The following KCNQ1OT1 variants were observed in gnomAD, a reference collection of about 807,000 sequenced individuals.
KCNQ1OT1 encodes the protein KCNQ1 antisense RNA 2 (non-protein coding).
chr11:2,648,692 A>G (rs576650408), exon 1 of KCNQ1OT1: 40 of 398,548 alleles, frequency 1.0e-4, no homozygotes, highest in East Asian at 7.8e-4. Context: ...GTGTCCTAAC[A>G]TATGGTATAT....
chr11:2,645,261 G>T lies in KCNQ1OT1; in HGVS notation n.54734C>A. The T allele has an allele frequency of 2.5e-6, 1 of 398,748 alleles. No individual in the cohort carries two copies. Among genetic ancestry groups the T allele is most frequent in the Non-Finnish European group, 4.4e-6 (1 of 226,214 alleles). The allele number at this position is 398,748 out of a possible 1,614,324, so 24.7% of individuals were successfully genotyped here. On this transcript the variant is annotated non_coding_transcript_exon_variant, in exon 1 of 1. Coordinates refer to ENST00000597346, the Ensembl canonical transcript of KCNQ1OT1. The surrounding 1 kb of genome is among the most constrained non-coding windows in gnomAD (Gnocchi z 5.8). ...GTGAATGCCAGTTGTGGTGGTAATG[G>T]TCAGTTGGGTAGGGCAGTCCTCAAG...
Position 2,663,967 on chromosome 11 carries a change from C to T in KCNQ1OT1, n.36028G>A, listed in dbSNP as rs530212194. ...GATGACAGGGCCTGAGAGACCTGAACATCCATCCCCAAGCTCTCTGCCCAC... is the reference window on the plus strand; with the variant it reads ...GATGACAGGGCCTGAGAGACCTGAATATCCATCCCCAAGCTCTCTGCCCAC... On this transcript the variant is annotated non_coding_transcript_exon_variant, in exon 1 of 1. Coordinates refer to ENST00000597346, the Ensembl canonical transcript of KCNQ1OT1. The surrounding 1 kb of genome is among the most constrained non-coding windows in gnomAD (Gnocchi z 5.2). 2.3e-5 allele frequency: 9 copies of T among 398,622 alleles called. No individual in the cohort carries two copies. The highest frequency in any genetic ancestry group is 3.5e-5 in the Non-Finnish European group (8 of 226,142). The allele number at this position is 398,622 out of a possible 1,614,324, so 24.7% of individuals were successfully genotyped here. A position where few individuals can be genotyped will look rare whatever the true frequency, so the allele number is the denominator to read the frequency against.
chr11:2,637,795 C>G (rs7102138), exon 1 of KCNQ1OT1: 132,564 of 152,164 alleles, frequency 0.87, 57,796 homozygotes, highest in East Asian at 0.91. Flanking sequence ...GTTAAAGTCT[C>G]CCATTATTAT....
rs1206304806 is a variant in KCNQ1OT1 at position 2,698,654 on chromosome 11, C to CT, written n.1340dup. ...AGACCTCTAACCCCAATCCCAATCT[C>CT]TTAACTCAGAGCCCCCCATTCAGAA... On this transcript the variant is annotated non_coding_transcript_exon_variant, in exon 1 of 1. Transcript: ENST00000597346. This position sits in a 1 kb window ranked among gnomAD's most constrained non-coding sequence, Gnocchi z 5.1. 2.5e-6 allele frequency: 1 copy of CT among 398,612 alleles called. No homozygotes were observed. The highest frequency in any genetic ancestry group is 4.4e-5 in the Admixed American group (1 of 22,704). The allele number at this position is 398,612 out of a possible 1,614,324, so 24.7% of individuals were successfully genotyped here. A position where few individuals can be genotyped will look rare whatever the true frequency, so the allele number is the denominator to read the frequency against.
rs1325699648 is a variant in KCNQ1OT1, at chr11:2,695,347, C to T, written n.4648G>A. On this transcript the variant is annotated non_coding_transcript_exon_variant, in exon 1 of 1. Transcript: ENST00000597346. The surrounding 1 kb of genome is among the most constrained non-coding windows in gnomAD (Gnocchi z 5.2). The stretch of plus-strand genomic sequence containing the variant: ...ATATCATTGTGTGTGTGTGTGTGCA[C>T]TCACGAGCACTCCCTAGTACTGCGT... 4 of 397,136 alleles carry T rather than the reference C, an allele frequency of 1.0e-5. No homozygotes were observed. The allele number at this position is 397,136 out of a possible 1,614,324, so 24.6% of individuals were successfully genotyped here. A position where few individuals can be genotyped will look rare whatever the true frequency, so the allele number is the denominator to read the frequency against.
At position 2,659,887 on chromosome 11, in the gene KCNQ1OT1, A is replaced by T. The variant is rs1479385212; in HGVS notation, n.40108T>A. 5.0e-6 allele frequency: 2 copies of T among 398,184 alleles called. No individual in the cohort carries two copies. Among genetic ancestry groups the T allele is most frequent in the Non-Finnish European group, 8.9e-6 (2 of 225,954 alleles). 24.7% of individuals were successfully genotyped at this position (398,184 alleles called of 1,614,324 possible). On this transcript the variant is annotated non_coding_transcript_exon_variant, in exon 1 of 1. Coordinates refer to ENST00000597346, the Ensembl canonical transcript of KCNQ1OT1. The surrounding 1 kb of genome is among the most constrained non-coding windows in gnomAD (Gnocchi z 4.3). ...ATTTATAATCCATTTTTAAAATTGG[A>T]TTGTTCACTTTATTGTCAAGTTGTA...
At chr11:2,675,167 C>T (rs2073956) in exon 1 of KCNQ1OT1, 5,588 of 398,580 alleles carry the variant, frequency 0.014, 188 homozygotes, top group East Asian at 0.094. Context: ...AGTGCTCTAG[C>T]GGGGAAAGAT....
rs1850006798 is a variant in KCNQ1OT1 at position 2,663,496 on chromosome 11, G to A, written n.36499C>T. On this transcript the variant is annotated non_coding_transcript_exon_variant, in exon 1 of 1. Transcript: ENST00000597346. The surrounding 1 kb of genome is among the most constrained non-coding windows in gnomAD (Gnocchi z 5.2). ...GGCTCATGTTGTGTGCAATACAGGTGGCAGTGCCTGTATTGCCTCTTGGCT... is the reference window on the plus strand; with the variant it reads ...GGCTCATGTTGTGTGCAATACAGGTAGCAGTGCCTGTATTGCCTCTTGGCT... The A allele has an allele frequency of 5.0e-6, 2 of 398,680 alleles. No individual in the cohort carries two copies. Among genetic ancestry groups the A allele is most frequent in the Admixed American group, 8.8e-5 (2 of 22,744 alleles). The allele number at this position is 398,680 out of a possible 1,614,324, so 24.7% of individuals were successfully genotyped here.
chr11:2,679,981 C>T lies in KCNQ1OT1; in HGVS notation n.20014G>A, dbSNP rs566009756. ...CAGTCTCGGCTTACTGCAACCTCTACCTCCTGGGTTCAAGCAATTCTCCTG... is the reference window on the plus strand; with the variant it reads ...CAGTCTCGGCTTACTGCAACCTCTATCTCCTGGGTTCAAGCAATTCTCCTG... On this transcript the variant is annotated non_coding_transcript_exon_variant, in exon 1 of 1. Coordinates refer to ENST00000597346, the Ensembl canonical transcript of KCNQ1OT1. The surrounding 1 kb of genome is among the most constrained non-coding windows in gnomAD (Gnocchi z 4.8). 1.8e-4 allele frequency: 70 copies of T among 397,074 alleles called. No individual in the cohort carries two copies. The highest frequency in any genetic ancestry group is 1.1e-3 in the African/African-American group (53 of 48,602). 24.6% of individuals were successfully genotyped at this position (397,074 alleles called of 1,614,324 possible).
rs1211128781 is a variant in KCNQ1OT1, at chr11:2,669,689, T to C, written n.30306A>G. On this transcript the variant is annotated non_coding_transcript_exon_variant, in exon 1 of 1. Transcript: ENST00000597346. The surrounding 1 kb of genome is among the most constrained non-coding windows in gnomAD (Gnocchi z 5.6). ...GTATTAGTGTAAGGCCTTGAGGAGA[T>C]GGTGTTAGGCATCCAGCCACATACC... The C allele has an allele frequency of 1.5e-5, 6 of 398,472 alleles. No homozygotes were observed. The highest frequency in any genetic ancestry group is 2.7e-5 in the Non-Finnish European group (6 of 226,078). The allele number at this position is 398,472 out of a possible 1,614,324, so 24.7% of individuals were successfully genotyped here.
exon 1 of KCNQ1OT1, chr11:2,656,470 G>A (rs1439546727): frequency 2.5e-6 from 1 of 398,614 alleles, no homozygotes; most frequent in African/African-American, 2.1e-5. Flanking sequence ...CCTGCTGGAA[G>A]TCTGCCACTC....
At chr11:2,636,273 G>A (rs1407606196) in exon 1 of KCNQ1OT1, 1 of 152,130 alleles carries the variant, frequency 6.6e-6, no homozygotes, top group Non-Finnish European at 1.5e-5. Flanking sequence ...AGTTTTCAAA[G>A]GGAATGCTTC....
chr11:2,610,695 G>C (rs1681352521), exon 1 of KCNQ1OT1: 1 of 381,884 alleles, frequency 2.6e-6, no homozygotes, highest in Non-Finnish European at 4.5e-6. Flanking sequence ...AAACTTTTCT[G>C]GACACAGTAT....
chr11:2,686,922 C>T, exon 1 of KCNQ1OT1: 1 of 398,692 alleles, frequency 2.5e-6, no homozygotes, highest in East Asian at 3.6e-5. Flanking sequence ...CAGGTCCATG[C>T]AGGTCTCCGT....
In KCNQ1OT1 at chr11:2,621,561, C is replaced by T; in HGVS notation, n.78434G>A. On this transcript the variant is annotated non_coding_transcript_exon_variant, in exon 1 of 1. Coordinates refer to ENST00000597346, the Ensembl canonical transcript of KCNQ1OT1. The surrounding 1 kb of genome is among the most constrained non-coding windows in gnomAD (Gnocchi z 5.7). Reference sequence around the variant, plus strand: ...AAGCTCTTTAGTTTACCACTGTGATCTCTTTGCTATTGGTCTGTTCAGGCT... The same window carrying T: ...AAGCTCTTTAGTTTACCACTGTGATTTCTTTGCTATTGGTCTGTTCAGGCT... The T allele has an allele frequency of 2.5e-6, 1 of 398,412 alleles. No individual in the cohort carries two copies. The highest frequency in any genetic ancestry group is 4.4e-6 in the Non-Finnish European group (1 of 225,998). The allele number at this position is 398,412 out of a possible 1,614,324, so 24.7% of individuals were successfully genotyped here.
Position 2,660,724 on chromosome 11 carries a change from A to G in KCNQ1OT1, n.39271T>C, listed in dbSNP as rs61150075. 517 of 398,646 alleles carry G rather than the reference A, an allele frequency of 1.3e-3. 5 individuals are homozygous for G. The highest frequency in any genetic ancestry group is 9.6e-3 in the African/African-American group (466 of 48,770). 24.7% of individuals were successfully genotyped at this position (398,646 alleles called of 1,614,324 possible). On this transcript the variant is annotated non_coding_transcript_exon_variant, in exon 1 of 1. Transcript: ENST00000597346. ...ACAACCTTCATTCGGGCTTCATTCA[A>G]CACTTCATTCAGGCATGGATGTGGG...
exon 1 of KCNQ1OT1, chr11:2,641,905 A>C (rs1383765548): frequency 2.5e-6 from 1 of 398,248 alleles, no homozygotes; most frequent in Non-Finnish European, 4.4e-6. Context: ...TTCCCAGTGT[A>C]TGTTCTTGGC....
At position 2,628,125 on chromosome 11, in the gene KCNQ1OT1, C is replaced by T. The variant is rs1003294883; in HGVS notation, n.71870G>A. On this transcript the variant is annotated non_coding_transcript_exon_variant, in exon 1 of 1. Coordinates refer to ENST00000597346, the Ensembl canonical transcript of KCNQ1OT1. ...GGAGTGCAGATACCTCTTCAAGATA[C>T]TGACTTTGTTTTCCTTAGATATACC... 9 of 398,470 alleles carry T rather than the reference C, an allele frequency of 2.3e-5. No homozygotes were observed. In the East Asian group the frequency reaches 2.5e-4, roughly 11 times the overall value. 24.7% of individuals were successfully genotyped at this position (398,470 alleles called of 1,614,324 possible). A position where few individuals can be genotyped will look rare whatever the true frequency, so the allele number is the denominator to read the frequency against.
At position 2,652,859 on chromosome 11, in the gene KCNQ1OT1, C is replaced by G; in HGVS notation, n.47136G>C. ...TTTGTGTATGCTGAGGCTTGCTATA[C>G]TTATTCTAAGGAGAAGTGTTTGGGG... On this transcript the variant is annotated non_coding_transcript_exon_variant, in exon 1 of 1. Coordinates refer to ENST00000597346, the Ensembl canonical transcript of KCNQ1OT1. This position sits in a 1 kb window ranked among gnomAD's most constrained non-coding sequence, Gnocchi z 5.9. 3 of 398,732 alleles carry G rather than the reference C, an allele frequency of 7.5e-6. No homozygotes were observed. Among genetic ancestry groups the G allele is most frequent in the African/African-American group, 2.1e-5 (1 of 48,766 alleles). The allele number at this position is 398,732 out of a possible 1,614,324, so 24.7% of individuals were successfully genotyped here. A position where few individuals can be genotyped will look rare whatever the true frequency, so the allele number is the denominator to read the frequency against.
Sources: allele counts gnomAD v4.1 joint callset, GRCh38; gene constraint gnomAD v4.1.1; non-coding constraint Gnocchi (gnomAD v3.1); transcripts MANE v1.5; gene names NCBI Gene and HGNC (gene_info 2026-07-23, HGNC 2026-07-21).